Variants in CLSTN2 observed in about 807,000 individuals in gnomAD.
The protein encoded by CLSTN2 is calsyntenin 2.
A neutral mutation model predicts 101.2 loss-of-function variants in CLSTN2; 48 were observed. The observed-to-expected ratio is 0.47, with a 90% CI of 0.38 to 0.60. The LOEUF is 0.60. CLSTN2 is among the 20% of genes least tolerant of loss of function. The probability of loss-of-function intolerance (pLI) is 0.00; values close to 1 mark genes in which losing one functional copy is unlikely to be tolerated. For missense variants in CLSTN2, 1,160 were observed against 1,238.2 expected, an observed-to-expected ratio of 0.94 and a Z score of 0.95; for synonymous variants, 481 against 463.6, an observed-to-expected ratio of 1.04 and a Z score of -0.48.
chr3:140,205,627 C>CCCA (rs1156442987), intron 2 of CLSTN2, among the ~76,000 whole-genome samples: 1 of 111,516 alleles, frequency 9.0e-6, no homozygotes, highest in Non-Finnish European at 1.9e-5. Flanking sequence ...CGCCCCCCAC[C>CCCA]CACACACACA....
intron 1 of CLSTN2, among the ~76,000 whole-genome samples, chr3:139,949,863 A>G (rs1935265134): frequency 6.6e-6 from 1 of 152,184 alleles, no homozygotes; most frequent in South Asian, 2.1e-4. Flanking sequence ...AGACTGTACA[A>G]GTTTTAAGTG....
chr3:140,293,483 T>C lies in CLSTN2; in HGVS notation c.233-110146T>C, dbSNP rs190707122. On this transcript the variant is annotated intron_variant, in intron 2 of 16. Transcript: ENST00000458420. ...ATACATGTATCACAAAGCTTAACAT[T>C]GGATATGTCAGAGAAAAGGTGCTTG... Among the ~76,000 whole-genome samples the C allele has an allele frequency of 9.3e-3, 1,422 of 152,244 alleles. 14 individuals carry two copies. Among genetic ancestry groups the C allele is most frequent in the South Asian group, 0.014 (67 of 4,822 alleles).
chr3:140,415,990 G>C (rs2107986879), intron 4 of CLSTN2, among the ~76,000 whole-genome samples: 1 of 152,206 alleles, frequency 6.6e-6, no homozygotes, highest in East Asian at 1.9e-4. Context: ...AAAATATGTG[G>C]GAGATACAAA....
At chr3:140,278,776 A>G (rs751576197) in intron 2 of CLSTN2, among the ~76,000 whole-genome samples, 2 of 152,178 alleles carry the variant, frequency 1.3e-5, no homozygotes, top group African/African-American at 2.4e-5. Flanking sequence ...ACTGGAGTGC[A>G]GTGGTGCACT....
chr3:140,352,371 C>T (rs1302000277), intron 2 of CLSTN2, among the ~76,000 whole-genome samples: 1 of 152,184 alleles, frequency 6.6e-6, no homozygotes, highest in Non-Finnish European at 1.5e-5. Context: ...AGTCTTTGGT[C>T]CTTGAGGCTT....
intron 1 of CLSTN2, among the ~76,000 whole-genome samples, chr3:140,078,001 G>T (rs751024633): frequency 6.6e-6 from 1 of 152,176 alleles, no homozygotes; most frequent in Non-Finnish European, 1.5e-5. Flanking sequence ...AATTTCCCCT[G>T]CAAAGGGTCA....
At chr3:140,405,032 C>T (rs548018291) in intron 4 of CLSTN2, among the ~76,000 whole-genome samples, 24 of 152,170 alleles carry the variant, frequency 1.6e-4, no homozygotes, top group Admixed American at 1.4e-3. Flanking sequence ...TGCCACACAT[C>T]TAGATACCGA....
At chr3:140,110,887 C>A (rs1443276123) in intron 1 of CLSTN2, among the ~76,000 whole-genome samples, 1 of 152,150 alleles carries the variant, frequency 6.6e-6, no homozygotes, top group African/African-American at 2.4e-5. Context: ...TTGCAATTGG[C>A]TCCCAGGAAG....
chr3:140,065,922 A>C (rs1409680419), intron 1 of CLSTN2, among the ~76,000 whole-genome samples: 1 of 152,214 alleles, frequency 6.6e-6, no homozygotes, highest in Non-Finnish European at 1.5e-5. Context: ...TGGAAAGAGA[A>C]GGGAACTAAT....
rs1233769732 is a variant in CLSTN2, at chr3:140,347,501, C to CA, written c.233-56126dup. Among the ~76,000 whole-genome samples the CA allele has an allele frequency of 9.2e-5, 14 of 152,352 alleles. No individual in the cohort carries two copies. The East Asian group carries it at 2.7e-3, about 29-fold the overall frequency. Reference sequence around the variant, plus strand: ...CTGCTGTTTTCTGAGCAGGCAAATTCAATAAAACACAAACTACAATGTGTT... The same window carrying CA: ...CTGCTGTTTTCTGAGCAGGCAAATTCAAATAAAACACAAACTACAATGTGTT... On this transcript the variant is annotated intron_variant, in intron 2 of 16. Coordinates refer to ENST00000458420, the MANE Select transcript of CLSTN2 (RefSeq NM_022131.3).
chr3:140,549,416 T>C (rs1340700655), intron 10 of CLSTN2, among the ~76,000 whole-genome samples: 1 of 151,634 alleles, frequency 6.6e-6, no homozygotes, highest in East Asian at 2.0e-4. Context: ...TTATAACCTT[T>C]TTATAACCAA....
chr3:140,563,050 G>C, intron 14 of CLSTN2, 30 bp from the exon 15 acceptor site: 1 of 1,613,392 alleles, frequency 6.2e-7, no homozygotes, highest in Non-Finnish European at 8.5e-7. Flanking sequence ...CCACTCCTGG[G>C]TCAATAGCAC....
intron 1 of CLSTN2, among the ~76,000 whole-genome samples, chr3:140,109,466 G>C (rs570361308): frequency 2.0e-4 from 31 of 152,290 alleles, no homozygotes; most frequent in Non-Finnish European, 3.4e-4. Flanking sequence ...ATTGGCCCAG[G>C]CTTGGGTAAA....
chr3:140,544,718 G>A (rs1168418613), intron 9 of CLSTN2, among the ~76,000 whole-genome samples: 1 of 151,878 alleles, frequency 6.6e-6, no homozygotes, highest in Non-Finnish European at 1.5e-5. Context: ...TGGGGAGGGG[G>A]CAGGGTGGAG....
intron 2 of CLSTN2, among the ~76,000 whole-genome samples, chr3:140,396,836 G>A (rs1338861792): frequency 6.6e-6 from 1 of 152,198 alleles, no homozygotes; most frequent in African/African-American, 2.4e-5. Context: ...CATGTTTTTA[G>A]CATCAGGAGC....
chr3:140,013,699 G>A (rs946361199), intron 1 of CLSTN2, among the ~76,000 whole-genome samples: 3 of 151,710 alleles, frequency 2.0e-5, no homozygotes, highest in African/African-American at 4.8e-5. Flanking sequence ...AGCAAAGAAG[G>A]CCTGTCATAA....
intron 2 of CLSTN2, among the ~76,000 whole-genome samples, chr3:140,254,042 T>C (rs940029801): frequency 2.0e-5 from 3 of 152,176 alleles, no homozygotes; most frequent in African/African-American, 7.2e-5. Flanking sequence ...CCTTACCTAA[T>C]TTGGTCATAT....
chr3:140,375,331 C>A, intron 2 of CLSTN2, among the ~76,000 whole-genome samples: 1 of 152,136 alleles, frequency 6.6e-6, no homozygotes, highest in African/African-American at 2.4e-5. Context: ...GATCTCCACT[C>A]AGGGGATGTT....
intron 1 of CLSTN2, among the ~76,000 whole-genome samples, chr3:140,173,408 A>G (rs982052359): frequency 1.3e-5 from 2 of 152,176 alleles, no homozygotes; most frequent in African/African-American, 4.8e-5. Context: ...AGCTGCTTTC[A>G]TGGGCTGATG....
Sources: gnomAD v4.1 joint callset for allele counts (sites outside exome capture counted in the v4.1 genomes callset) on GRCh38, gnomAD v4.1.1 for gene constraint, MANE v1.5 for transcripts, NCBI Gene and HGNC (gene_info 2026-07-23, HGNC 2026-07-21) for gene names.